TECTA: variants seen among roughly 807,000 people sequenced by gnomAD.
TECTA encodes tectorin alpha, also known as alpha-tectorin.
TECTA carries 128 observed loss-of-function variants against 216.8 expected under a neutral mutation model. The ratio of observed to expected loss-of-function variants is 0.59; its 90% CI spans 0.51 to 0.68. The LOEUF (loss-of-function observed/expected upper bound fraction) is 0.68, where lower values mean the gene tolerates loss of function less well. Among genes scored for constraint, TECTA ranks in the 30% least tolerant of loss-of-function variants. The pLI, the probability that TECTA is intolerant of heterozygous loss-of-function variation, is 0.00. For synonymous variants in TECTA, 1,089 were observed against 1,117.1 expected, an observed-to-expected ratio of 0.97 and a Z score of 0.50; for missense variants, 2,551 against 2,786.2, an observed-to-expected ratio of 0.92 and a Z score of 1.90.
intron 20 of TECTA, among the ~76,000 whole-genome samples, chr11:121,182,529 A>G (rs1947240138): frequency 6.6e-6 from 1 of 152,178 alleles, no homozygotes; most frequent in East Asian, 1.9e-4. Context: ...AGTGGCAAGC[A>G]GGGCAGGCCT....
intron 11 of TECTA, among the ~76,000 whole-genome samples, chr11:121,138,582 G>A (rs1189263838): frequency 2.0e-5 from 3 of 152,098 alleles, no homozygotes; most frequent in African/African-American, 7.2e-5. Context: ...GGAGGACTCG[G>A]GGCTCTCCTA....
chr11:121,139,975 CTT>C (rs1279922859), intron 11 of TECTA, among the ~76,000 whole-genome samples: 1 of 152,202 alleles, frequency 6.6e-6, no homozygotes, highest in East Asian at 1.9e-4. Flanking sequence ...GTCCTTTACT[CTT>C]TGTTTCCTTA....
intron 12 of TECTA, among the ~76,000 whole-genome samples, chr11:121,149,963 C>T (rs946875837): frequency 1.2e-4 from 19 of 152,104 alleles, no homozygotes; most frequent in Non-Finnish European, 2.9e-5. Flanking sequence ...GAGTGTGAAA[C>T]GTGGTGTTTA....
Position 121,145,985 on chromosome 11 carries a change from A to G in TECTA, c.3974A>G (p.Lys1325Arg). 2 of 1,614,242 alleles carry G rather than the reference A, an allele frequency of 1.2e-6. No homozygotes were observed. Among genetic ancestry groups the G allele is most frequent in the South Asian group, 2.2e-5 (2 of 91,090 alleles). Residue 1325 changes from lysine to arginine, a missense_variant, in exon 12 of 24, where the codon AAG becomes AGG. Lys to Arg is a conservative substitution (Grantham distance 26, BLOSUM62 2). Transcript: ENST00000392793. ...HSKVNPTFFY[K>R]NCLFDSCIDG... ...AAAGTTAACCCCACCTTCTTCTATA[A>G]GAACTGCCTGTTTGACTCTTGCATC...
At chr11:121,179,467 G>A (rs1947203519) in intron 20 of TECTA, among the ~76,000 whole-genome samples, 1 of 152,026 alleles carries the variant, frequency 6.6e-6, no homozygotes, top group Non-Finnish European at 1.5e-5. Flanking sequence ...GGTCTATCTT[G>A]GAAAATATTC....
At chr11:121,173,655 A>T (rs1241567882) in intron 20 of TECTA, among the ~76,000 whole-genome samples, 1 of 147,338 alleles carries the variant, frequency 6.8e-6, no homozygotes, top group African/African-American at 2.5e-5. Flanking sequence ...TTGGCTTAGG[A>T]TTGACTTGGT....
At chr11:121,175,888 A>G (rs1423495375) in intron 20 of TECTA, among the ~76,000 whole-genome samples, 4 of 152,172 alleles carry the variant, frequency 2.6e-5, no homozygotes, top group Non-Finnish European at 5.9e-5. Flanking sequence ...TTGGGTGCAT[A>G]TGTATTTAGG....
chr11:121,107,213 C>G (rs638775), intron 3 of TECTA, among the ~76,000 whole-genome samples: 66,388 of 152,070 alleles, frequency 0.44, 14,910 homozygotes, highest in African/African-American at 0.54. Context: ...GGCAATAAGG[C>G]AGTGAGGACT....
intron 20 of TECTA, among the ~76,000 whole-genome samples, chr11:121,175,547 G>A (rs1947157357): frequency 6.6e-6 from 1 of 152,182 alleles, no homozygotes; most frequent in Non-Finnish European, 1.5e-5. Flanking sequence ...TTGCATTGTG[G>A]TCTGAGAGAC....
At chr11:121,137,175 T>C (rs1289216718) in intron 10 of TECTA, among the ~76,000 whole-genome samples, 1 of 152,022 alleles carries the variant, frequency 6.6e-6, no homozygotes, top group African/African-American at 2.4e-5. Flanking sequence ...CACAGATGTG[T>C]GCACACACAG....
In TECTA at chr11:121,129,910, T is replaced by G. The variant is rs1213646804; in HGVS notation, c.2640T>G (p.Thr880=). The G allele has an allele frequency of 6.2e-7, 1 of 1,613,938 alleles. No homozygotes were observed. ...NLAVFLESWT[T]FEEICNGECG... is the part of the protein sequence containing the mutation. ...CAGTGTTCCTGGAAAGCTGGACAAC[T>G]TTCGAGGAGATCTGCAATGGAGAGT... The change falls in exon 10 of 24, where the codon ACT becomes ACG. Residue 880 remains threonine, a synonymous_variant. Transcript: ENST00000392793.
In TECTA at chr11:121,191,400, C is replaced by T. The variant is rs1381703416; in HGVS notation, c.*594C>T. ...GGAACCCCACCCACTCTCCTACCCC[C>T]TCGAACCCAATCCCTTCTCTTTTTA... On this transcript the variant is annotated 3_prime_UTR_variant, in exon 24 of 24. Coordinates refer to ENST00000392793, the MANE Select transcript of TECTA (RefSeq NM_005422.4). The T allele has an allele frequency of 1.3e-5, 2 of 159,266 alleles. No homozygotes were observed. The highest frequency in any genetic ancestry group is 2.8e-5 in the Non-Finnish European group (2 of 71,878). 9.9% of individuals were successfully genotyped at this position (159,266 alleles called of 1,614,324 possible).
chr11:121,117,062 G>C (rs1050536603), intron 6 of TECTA, among the ~76,000 whole-genome samples: 2 of 152,212 alleles, frequency 1.3e-5, no homozygotes, highest in African/African-American at 4.8e-5. Context: ...CTCAACTTGG[G>C]TTAACCTTGC....
rs752410830 is a variant in TECTA at position 121,137,544 on chromosome 11, G to A, written c.3065G>A (p.Gly1022Asp). The A allele has an allele frequency of 3.7e-6, 6 of 1,613,852 alleles. No individual in the cohort carries two copies. In the African/African-American group the frequency reaches 8.0e-5, roughly 22 times the overall value. Residue 1022 changes from glycine to aspartate, a missense_variant, in exon 11 of 24, where the codon GGC (glycine) becomes GAC (aspartate). Coordinates refer to ENST00000392793, the MANE Select transcript of TECTA (RefSeq NM_005422.4). Reference protein sequence around the residue: ...SCSEGCQCDEGYALLGSQCVT... With the variant: ...SCSEGCQCDEDYALLGSQCVT... The stretch of plus-strand genomic sequence containing the variant: ...TCTGAGGGATGTCAGTGTGATGAGG[G>A]CTATGCTCTACTGGGCAGCCAGTGT...
At chr11:121,184,596 C>G (rs1045162386) in intron 20 of TECTA, among the ~76,000 whole-genome samples, 1 of 152,058 alleles carries the variant, frequency 6.6e-6, no homozygotes, top group Non-Finnish European at 1.5e-5. Context: ...TCTGGGAAGA[C>G]AAACAATAGA....
chr11:121,175,300 G>A lies in TECTA; in HGVS notation c.5999+6375G>A, dbSNP rs535563631. Among the ~76,000 whole-genome samples, 254 of 151,420 alleles carry A rather than the reference G, an allele frequency of 1.7e-3. 1 individual carries two copies. Among genetic ancestry groups the A allele is most frequent in the African/African-American group, 5.9e-3 (245 of 41,226 alleles). On this transcript the variant is annotated intron_variant, in intron 20 of 23. Coordinates refer to ENST00000392793, the MANE Select transcript of TECTA (RefSeq NM_005422.4). ...TTGTGATGTTAGGGTGTCAATTTTGGATCTTTCCTGCTTTCTCTTGTGGGC... is the reference window on the plus strand; with the variant it reads ...TTGTGATGTTAGGGTGTCAATTTTGAATCTTTCCTGCTTTCTCTTGTGGGC...
intron 7 of TECTA, among the ~76,000 whole-genome samples, chr11:121,123,912 G>A (rs1946582961): frequency 6.6e-6 from 1 of 151,926 alleles, no homozygotes; most frequent in South Asian, 2.1e-4. Flanking sequence ...TTGTAATCCT[G>A]GGAGTGCCCA....
rs1265575754 is a variant in TECTA, at chr11:121,105,937, C to T, written c.171C>T (p.Phe57=). The T allele has an allele frequency of 4.3e-6, 7 of 1,614,100 alleles. No homozygotes were observed. The highest frequency in any genetic ancestry group is 5.9e-6 in the Non-Finnish European group (7 of 1,180,040). ...TTAAGTTGGCCATCCCAGTTTTCTTCTTTGGCGTTCCTTACCGCACTGTCT... is the reference window on the plus strand; with the variant it reads ...TTAAGTTGGCCATCCCAGTTTTCTTTTTTGGCGTTCCTTACCGCACTGTCT... ...SEIKLAIPVF[F]FGVPYRTVYV... is the part of the protein sequence containing the mutation. The change falls in exon 3 of 24, where the codon TTC becomes TTT. Residue 57 remains phenylalanine, a synonymous_variant. Transcript: ENST00000392793. The surrounding 1 kb of genome is among the most constrained non-coding windows in gnomAD (Gnocchi z 5.3).
At chr11:121,119,471 A>T (rs1358038994) in intron 7 of TECTA, among the ~76,000 whole-genome samples, 1 of 152,226 alleles carries the variant, frequency 6.6e-6, no homozygotes, top group Non-Finnish European at 1.5e-5. Flanking sequence ...AAGCAGGGAC[A>T]TCAACAAAAG....
Sources: gnomAD v4.1 joint callset for allele counts (sites outside exome capture counted in the v4.1 genomes callset) on GRCh38, gnomAD v4.1.1 for gene constraint, Gnocchi (gnomAD v3.1) non-coding constraint, MANE v1.5 for transcripts, NCBI Gene and HGNC (gene_info 2026-07-23, HGNC 2026-07-21) for gene names.